The following PLXDC2 variants were observed in gnomAD, a reference collection of about 807,000 sequenced individuals.
PLXDC2 encodes the protein plexin domain-containing protein 2.
PLXDC2 carries 40 observed loss-of-function variants against 68.9 expected under a neutral mutation model. The ratio of observed to expected loss-of-function variants is 0.58; its 90% CI spans 0.45 to 0.76. The LOEUF (loss-of-function observed/expected upper bound fraction) is 0.76. Ranked by LOEUF, PLXDC2 falls within the 30% of genes least tolerant of loss-of-function variation. The pLI is 0.00. For missense variants in PLXDC2, 644 were observed against 661.9 expected (o/e 0.97, Z 0.30); for synonymous variants, 243 against 234.2 (o/e 1.04, Z -0.34).
At chr10:19,836,597 A>C (rs1460855467) in intron 1 of PLXDC2, among the ~76,000 whole-genome samples, 1 of 152,210 alleles carries the variant, frequency 6.6e-6, no homozygotes, top group Non-Finnish European at 1.5e-5. Context: ...AAGTGGCAGC[A>C]GGAAAAATGA....
rs1834031612 is a variant in PLXDC2, at chr10:20,143,353, A to G, written c.600A>G (p.Ala200=). ...HRMLTATQYI[A]PLMANFDPSV... The stretch of plus-strand genomic sequence containing the variant: ...TGCTAACAGCCACACAGTACATAGC[A>G]CCTTTAATGGCAAATTTCGATCCCA... Residue 200 remains alanine, a synonymous_variant, in exon 5 of 14, where the codon GCA becomes GCG. Coordinates refer to ENST00000377252, the MANE Select transcript of PLXDC2 (RefSeq NM_032812.9). 1.9e-6 allele frequency: 3 copies of G among 1,613,294 alleles called. No homozygotes were observed. In the South Asian group the frequency reaches 3.3e-5, roughly 18 times the overall value.
chr10:20,279,878 C>T lies in PLXDC2; in HGVS notation c.*59C>T. 1 of 1,411,914 alleles carries T rather than the reference C, an allele frequency of 7.1e-7. No homozygotes were observed. Among genetic ancestry groups the T allele is most frequent in the Non-Finnish European group, 1.0e-6 (1 of 1,001,314 alleles). 87.5% of individuals were successfully genotyped at this position (1,411,914 alleles called of 1,614,324 possible). ...TACAGGTGTTAAGACTAAAATTTTG[C>T]CTATACCTTTAAGACAAACAAACAA... On this transcript the variant is annotated 3_prime_UTR_variant, in exon 14 of 14. Coordinates refer to ENST00000377252, the MANE Select transcript of PLXDC2 (RefSeq NM_032812.9).
intron 1 of PLXDC2, among the ~76,000 whole-genome samples, chr10:19,913,272 G>A (rs570912595): frequency 5.5e-4 from 84 of 152,070 alleles, no homozygotes; most frequent in African/African-American, 1.8e-3. Flanking sequence ...CAAGAGATCC[G>A]GGTGTTTAAA....
chr10:20,136,677 T>C (rs1437706865), intron 4 of PLXDC2, among the ~76,000 whole-genome samples: 1 of 152,206 alleles, frequency 6.6e-6, no homozygotes, highest in Non-Finnish European at 1.5e-5. Context: ...GTACATAACG[T>C]TATAACAAAG....
rs149173112 is a variant in PLXDC2 at position 20,256,321 on chromosome 10, C to T, written c.1473+10816C>T. 4.2e-3 allele frequency among the ~76,000 whole-genome samples: 631 copies of T among 151,394 alleles called. 5 individuals are homozygous for T. Among genetic ancestry groups the T allele is most frequent in the African/African-American group, 0.014 (560 of 41,266 alleles). The stretch of plus-strand genomic sequence containing the variant: ...CTAATTTTTGTATTTTTAGTAGAGA[C>T]GGGATTTTACCATGTTGGCCAGGCT... On this transcript the variant is annotated intron_variant, in intron 13 of 13. Coordinates refer to ENST00000377252, the MANE Select transcript of PLXDC2 (RefSeq NM_032812.9).
chr10:20,230,533 A>G (rs1011649492), intron 12 of PLXDC2, among the ~76,000 whole-genome samples: 1 of 151,336 alleles, frequency 6.6e-6, no homozygotes, highest in African/African-American at 2.4e-5. Context: ...TTAGCCGAGC[A>G]TGGTGGCGTG....
intron 13 of PLXDC2, among the ~76,000 whole-genome samples, chr10:20,259,189 T>C (rs998180273): frequency 6.6e-6 from 1 of 152,120 alleles, no homozygotes; most frequent in African/African-American, 2.4e-5. Flanking sequence ...TCTCAGCACA[T>C]AGCAGAACAA....
chr10:19,856,699 G>A (rs1386276499), intron 1 of PLXDC2, among the ~76,000 whole-genome samples: 8 of 152,000 alleles, frequency 5.3e-5, no homozygotes, highest in African/African-American at 1.2e-4. Flanking sequence ...TCTCCATACC[G>A]AAAATAAACT....
At chr10:19,921,115 T>C (rs116036496) in intron 1 of PLXDC2, among the ~76,000 whole-genome samples, 4,806 of 146,830 alleles carry the variant, frequency 0.033, 109 homozygotes, top group African/African-American at 0.067. Context: ...TCTTCTTCTT[T>C]TTTTTTTTTT....
At chr10:19,882,821 A>G (rs1256070092) in intron 1 of PLXDC2, among the ~76,000 whole-genome samples, 1 of 152,228 alleles carries the variant, frequency 6.6e-6, no homozygotes, top group Non-Finnish European at 1.5e-5. Context: ...GCAGAACAGT[A>G]TCAAGAACAA....
intron 1 of PLXDC2, among the ~76,000 whole-genome samples, chr10:19,898,364 A>G (rs1285953692): frequency 6.6e-6 from 1 of 152,246 alleles, no homozygotes; most frequent in Non-Finnish European, 1.5e-5. Context: ...GGTTATATAT[A>G]GGTAAATTCT....
intron 7 of PLXDC2, among the ~76,000 whole-genome samples, chr10:20,173,200 T>C (rs543690094): frequency 3.7e-4 from 57 of 152,298 alleles, no homozygotes; most frequent in African/African-American, 1.4e-3. Context: ...CTGGACTCGA[T>C]TTGAACCAGA....
intron 3 of PLXDC2, among the ~76,000 whole-genome samples, chr10:20,065,598 C>A (rs1836193816): frequency 6.6e-6 from 1 of 152,134 alleles, no homozygotes; most frequent in East Asian, 1.9e-4. Context: ...GATTATACAA[C>A]TCACCATAAT....
intron 4 of PLXDC2, among the ~76,000 whole-genome samples, chr10:20,127,078 T>C (rs1307527274): frequency 6.6e-6 from 1 of 151,910 alleles, no homozygotes; most frequent in African/African-American, 2.4e-5. Context: ...ACATTAGATA[T>C]TTGGGTGGAA....
chr10:20,258,492 A>G (rs1261146691), intron 13 of PLXDC2, among the ~76,000 whole-genome samples: 1 of 151,992 alleles, frequency 6.6e-6, no homozygotes, highest in East Asian at 1.9e-4. Context: ...TTTTTCCTGA[A>G]ATTTAAGTTG....
At chr10:19,878,082 A>T (rs1837665801) in intron 1 of PLXDC2, among the ~76,000 whole-genome samples, 1 of 152,368 alleles carries the variant, frequency 6.6e-6, no homozygotes, top group South Asian at 2.1e-4. Context: ...AAAATAAGTA[A>T]GAATGACTGT....
intron 1 of PLXDC2, among the ~76,000 whole-genome samples, chr10:19,824,005 C>CG (rs1294886078): frequency 6.6e-6 from 1 of 151,946 alleles, no homozygotes; most frequent in African/African-American, 2.4e-5. Flanking sequence ...GTGACCCTGT[C>CG]TCAAAAAGTA....
intron 1 of PLXDC2, among the ~76,000 whole-genome samples, chr10:19,973,882 T>C (rs1436021619): frequency 1.3e-5 from 2 of 152,190 alleles, no homozygotes; most frequent in Non-Finnish European, 2.9e-5. Flanking sequence ...GTGTATAAAC[T>C]CTTCCTGAAA....
chr10:19,913,958 A>G (rs1458117677), intron 1 of PLXDC2, among the ~76,000 whole-genome samples: 1 of 152,044 alleles, frequency 6.6e-6, no homozygotes, highest in Non-Finnish European at 1.5e-5. Context: ...ACAAGCACAT[A>G]CAATGGTAAG....
Sources: allele counts gnomAD v4.1 joint callset (sites outside exome capture counted in the v4.1 genomes callset), GRCh38; gene constraint gnomAD v4.1.1; transcripts MANE v1.5; gene names NCBI Gene and HGNC (gene_info 2026-07-23, HGNC 2026-07-21).